Variants in CDA observed in about 807,000 individuals in gnomAD.
The protein encoded by CDA is cytidine aminohydrolase.
In CDA, 7 loss-of-function variants were observed where a neutral mutation model predicts 15.0. The ratio of observed to expected loss-of-function variants is 0.47; its 90% CI spans 0.26 to 0.87. CDA has a LOEUF of 0.87. Among genes scored for constraint, CDA ranks in the 40% least tolerant of loss-of-function variants. CDA has a pLI of 0.15. For synonymous variants in CDA, 58 were observed against 73.0 expected, an observed-to-expected ratio of 0.79 and a Z score of 1.05; for missense variants, 159 against 182.7, an observed-to-expected ratio of 0.87 and a Z score of 0.75.
chr1:20,618,382 C>A, intron 3 of CDA, 70 bp from the exon 4 acceptor site: 1 of 836,844 alleles, frequency 1.2e-6, no homozygotes, highest in Non-Finnish European at 2.0e-6. Flanking sequence ...CAGAGTCAGA[C>A]TCAGACCCAG....
At chr1:20,616,187 G>C (rs1455138012) in intron 3 of CDA, among the ~76,000 whole-genome samples, 1 of 152,136 alleles carries the variant, frequency 6.6e-6, no homozygotes, top group Non-Finnish European at 1.5e-5. Flanking sequence ...TCTGAAGCCC[G>C]TGCTCCTCAC....
At chr1:20,615,700 C>A (rs1354819359) in intron 3 of CDA, among the ~76,000 whole-genome samples, 1 of 151,730 alleles carries the variant, frequency 6.6e-6, no homozygotes, top group Non-Finnish European at 1.5e-5. Context: ...ATATCAAGAG[C>A]CCCTCGAAAT....
At chr1:20,590,615 G>A (rs472629) in intron 1 of CDA, among the ~76,000 whole-genome samples, 37,185 of 152,000 alleles carry the variant, frequency 0.24, 5,459 homozygotes, top group Middle Eastern at 0.4. Context: ...CCCTCCTGCC[G>A]TGCTTATCAC....
chr1:20,613,126 C>A (rs2052769175), intron 2 of CDA, among the ~76,000 whole-genome samples: 1 of 152,144 alleles, frequency 6.6e-6, no homozygotes. Context: ...GACCAGGACA[C>A]ATGCCTCCTC....
At chr1:20,608,661 C>T (rs868571537) in intron 2 of CDA, among the ~76,000 whole-genome samples, 1 of 152,192 alleles carries the variant, frequency 6.6e-6, no homozygotes. Flanking sequence ...CTGCCCACCT[C>T]GGCCTCCCAA....
intron 1 of CDA, among the ~76,000 whole-genome samples, chr1:20,597,876 TC>T: frequency 7.0e-6 from 1 of 143,372 alleles, no homozygotes; most frequent in Middle Eastern, 3.5e-3. Context: ...AAGGCTTCCT[TC>T]CTTTTTTTTT....
chr1:20,591,852 T>TC (rs1557544710), intron 1 of CDA, among the ~76,000 whole-genome samples: 1 of 150,990 alleles, frequency 6.6e-6, no homozygotes, highest in African/African-American at 2.4e-5. Flanking sequence ...TTTTTTTGTT[T>TC]TTTTTTTTTG....
chr1:20,602,698 G>T (rs1367742129), intron 1 of CDA, among the ~76,000 whole-genome samples: 3 of 147,190 alleles, frequency 2.0e-5, no homozygotes, highest in Non-Finnish European at 4.4e-5. Context: ...GGGATTATAG[G>T]CTTGAGCCAC....
Position 20,605,034 on chromosome 1 carries a change from C to T in CDA, c.261C>T (p.Ile87=), listed in dbSNP as rs376525928. 21 of 1,603,078 alleles carry T rather than the reference C, an allele frequency of 1.3e-5. No individual in the cohort carries two copies. Among genetic ancestry groups the T allele is most frequent in the South Asian group, 1.2e-4 (11 of 90,662 alleles). ...ACAAGGATTTCAGGGCAATTGCTAT[C>T]GCCAGGTGAGTGGGAAAGCCAGGTT... is the stretch of plus-strand genomic sequence containing the variant. ...EGYKDFRAIA[I]ASDMQDDFIS... is the part of the protein sequence containing the mutation. Residue 87 remains isoleucine, a synonymous_variant, in exon 2 of 4, where the codon ATC becomes ATT. Coordinates refer to ENST00000375071, the MANE Select transcript of CDA (RefSeq NM_001785.3).
At chr1:20,613,970 T>C (rs3738130) in intron 3 of CDA, 71 bp downstream of exon 3, 286,972 of 1,434,134 alleles carry the variant, frequency 0.2, 30,442 homozygotes, top group African/African-American at 0.32. Context: ...CCACGCCAAG[T>C]TGCAGGCATG....
At position 20,589,192 on chromosome 1, in the gene CDA, C is replaced by T. The variant is rs777544429; in HGVS notation, c.63C>T (p.Cys21=). Residue 21 remains cysteine, a synonymous_variant, in exon 1 of 4, where the codon TGC becomes TGT. Transcript: ENST00000375071. ...KPECVQQLLV[C]SQEAKKSAYC... The stretch of plus-strand genomic sequence containing the variant: ...AGTGTGTCCAGCAGCTGCTGGTTTG[C>T]TCCCAGGAGGCCAAGAAGTCAGCCT... 1 of 1,614,150 alleles carries T rather than the reference C, an allele frequency of 6.2e-7. No individual in the cohort carries two copies. The highest frequency in any genetic ancestry group is 1.7e-5 in the Admixed American group (1 of 60,034).
At chr1:20,596,402 C>G (rs905705462) in intron 1 of CDA, among the ~76,000 whole-genome samples, 1 of 152,042 alleles carries the variant, frequency 6.6e-6, no homozygotes, top group Non-Finnish European at 1.5e-5. Context: ...GAGCTCCAAC[C>G]CAGCCCAGAC....
chr1:20,608,534 T>A (rs1416909092), intron 2 of CDA, among the ~76,000 whole-genome samples: 1 of 152,148 alleles, frequency 6.6e-6, no homozygotes, highest in Non-Finnish European at 1.5e-5. Context: ...TTCAGCCTCC[T>A]GAGTAATTGA....
rs190253702 is a variant in CDA at position 20,590,607 on chromosome 1, C to T, written c.154+1324C>T. ...AATCCCCCGGCACCCACACTGACCCCTCCTGCCGTGCTTATCACATGGTGT... is the reference window on the plus strand; with the variant it reads ...AATCCCCCGGCACCCACACTGACCCTTCCTGCCGTGCTTATCACATGGTGT... On this transcript the variant is annotated intron_variant, in intron 1 of 3. Transcript: ENST00000375071. Among the ~76,000 whole-genome samples, 484 of 152,284 alleles carry T rather than the reference C, an allele frequency of 3.2e-3. 2 individuals are homozygous for T. Among genetic ancestry groups the T allele is most frequent in the Non-Finnish European group, 5.3e-3 (359 of 68,024 alleles).
At chr1:20,595,956 C>A (rs934709913) in intron 1 of CDA, among the ~76,000 whole-genome samples, 10 of 151,648 alleles carry the variant, frequency 6.6e-5, no homozygotes, top group African/African-American at 2.4e-4. Context: ...CAAGACCAGC[C>A]TGGCCAATAT....
At chr1:20,613,762 G>T in intron 2 of CDA, 80 bp from the exon 3 acceptor site, 2 of 1,332,162 alleles carry the variant, frequency 1.5e-6, no homozygotes, top group South Asian at 1.2e-5. Flanking sequence ...GGAACAGACC[G>T]AGTCTCAGGG....
At chr1:20,611,295 G>A (rs1025327208) in intron 2 of CDA, among the ~76,000 whole-genome samples, 2 of 152,182 alleles carry the variant, frequency 1.3e-5, no homozygotes, top group African/African-American at 4.8e-5. Context: ...CAAAGCTGTG[G>A]GTCCAGAAGA....
chr1:20,598,151 G>C (rs7513317), intron 1 of CDA, among the ~76,000 whole-genome samples: 4 of 152,124 alleles, frequency 2.6e-5, no homozygotes, highest in Non-Finnish European at 1.5e-5. Flanking sequence ...ACAGGGTCTC[G>C]CTATGTTTAA....
rs1350260538 is a variant in CDA, at chr1:20,605,011, A to G, written c.238A>G (p.Lys80Glu). 15 of 1,613,506 alleles carry G rather than the reference A, an allele frequency of 9.3e-6. No homozygotes were observed. The highest frequency in any genetic ancestry group is 1.3e-5 in the African/African-American group (1 of 74,904). ...CCAGAAGGCCGTCTCAGAAGGGTAC[A>G]AGGATTTCAGGGCAATTGCTATCGC... ...AIQKAVSEGY[K>E]DFRAIAIASD... Residue 80 changes from lysine to glutamate, a missense_variant, in exon 2 of 4, where the codon AAG becomes GAG. Physicochemically the swap from Lys to Glu is moderately conservative, Grantham distance 56. Transcript: ENST00000375071.
Sources: allele counts gnomAD v4.1 joint callset (sites outside exome capture counted in the v4.1 genomes callset), GRCh38; gene constraint gnomAD v4.1.1; transcripts MANE v1.5; gene names NCBI Gene and HGNC (gene_info 2026-07-23, HGNC 2026-07-21).